The following MAPKAP1 variants were observed in gnomAD, a reference collection of about 807,000 sequenced individuals.
The protein encoded by MAPKAP1 is MAPK associated protein 1, also known as target of rapamycin complex 2 subunit MAPKAP1.
MAPKAP1 carries 20 observed loss-of-function variants against 65.7 expected under a neutral mutation model. The observed-to-expected ratio is 0.30, with a 90% CI of 0.21 to 0.44. The LOEUF is 0.44. Among genes scored for constraint, MAPKAP1 ranks in the 20% least tolerant of loss-of-function variants. The pLI is 1.00. For synonymous variants in MAPKAP1, 222 were observed against 244.3 expected (o/e 0.91, Z 0.85); for missense variants, 423 against 648.0 (o/e 0.65, Z 3.77).
intron 8 of MAPKAP1, among the ~76,000 whole-genome samples, chr9:125,503,880 CTT>C (rs35867576): frequency 1.0e-3 from 68 of 66,244 alleles, no homozygotes; most frequent in African/African-American, 5.1e-3. Flanking sequence ...CCACGCTTGG[CTT>C]TTTTTTTTTT....
chr9:125,586,877 A>G (rs986024901), intron 4 of MAPKAP1, among the ~76,000 whole-genome samples: 2 of 152,202 alleles, frequency 1.3e-5, no homozygotes, highest in African/African-American at 4.8e-5. Context: ...TCTTATTTTA[A>G]TAATATGTGC....
intron 4 of MAPKAP1, among the ~76,000 whole-genome samples, chr9:125,586,434 C>T (rs532619788): frequency 5.3e-5 from 8 of 152,256 alleles, no homozygotes; most frequent in Admixed American, 1.3e-4. Context: ...TCCTCTACCT[C>T]TTGGACTTCA....
At chr9:125,504,371 A>T (rs1490496988) in intron 8 of MAPKAP1, among the ~76,000 whole-genome samples, 1 of 152,222 alleles carries the variant, frequency 6.6e-6, no homozygotes, top group South Asian at 2.1e-4. Context: ...CTGTGGGGAC[A>T]GTAACCTTCT....
intron 8 of MAPKAP1, among the ~76,000 whole-genome samples, chr9:125,490,488 A>G (rs2133051140): frequency 6.6e-6 from 1 of 152,204 alleles, no homozygotes; most frequent in East Asian, 1.9e-4. Context: ...GCAGTGAACC[A>G]AGATTGCGCC....
chr9:125,589,819 C>T (rs956414328), intron 4 of MAPKAP1, among the ~76,000 whole-genome samples: 1 of 152,144 alleles, frequency 6.6e-6, no homozygotes, highest in Non-Finnish European at 1.5e-5. Flanking sequence ...TGCACCCACA[C>T]TCGCTGTCCC....
intron 4 of MAPKAP1, among the ~76,000 whole-genome samples, chr9:125,631,357 G>C (rs1833274194): frequency 6.6e-6 from 1 of 152,182 alleles, no homozygotes; most frequent in African/African-American, 2.4e-5. Flanking sequence ...CCTTTGCTCT[G>C]TCCAGCCTGG....
intron 7 of MAPKAP1, among the ~76,000 whole-genome samples, chr9:125,514,234 A>G (rs1433275948): frequency 6.6e-6 from 1 of 151,976 alleles, no homozygotes; most frequent in Non-Finnish European, 1.5e-5. Context: ...AGGGAAGGGG[A>G]GGGTGGAGCT....
intron 10 of MAPKAP1, 77 bp from the exon 11 acceptor site, chr9:125,444,675 C>A: frequency 1.0e-6 from 1 of 982,590 alleles, no homozygotes; most frequent in Non-Finnish European, 1.6e-6. Context: ...TCTCCCCTAT[C>A]ATTCCAATTC....
chr9:125,523,087 G>A (rs1437086731), intron 7 of MAPKAP1, among the ~76,000 whole-genome samples: 2 of 152,098 alleles, frequency 1.3e-5, no homozygotes, highest in Non-Finnish European at 2.9e-5. Context: ...AAGGCAATAG[G>A]ATTTCTACAA....
At chr9:125,703,025 TTAAA>T (rs947386524) in intron 1 of MAPKAP1, among the ~76,000 whole-genome samples, 5 of 152,020 alleles carry the variant, frequency 3.3e-5, no homozygotes, top group Non-Finnish European at 4.4e-5. Context: ...TCTCTAAAAG[TTAAA>T]TAAATAAATA....
intron 4 of MAPKAP1, among the ~76,000 whole-genome samples, chr9:125,651,126 C>T (rs1833880612): frequency 6.6e-6 from 1 of 152,030 alleles, no homozygotes; most frequent in Non-Finnish European, 1.5e-5. Flanking sequence ...GCCACTGTGC[C>T]CGGCGATCCT....
At position 125,657,711 on chromosome 9, in the gene MAPKAP1, T is replaced by C; in HGVS notation, c.438A>G (p.Leu146=). 1 of 1,614,026 alleles carries C rather than the reference T, an allele frequency of 6.2e-7. No homozygotes were observed. The highest frequency in any genetic ancestry group is 8.5e-7 in the Non-Finnish European group (1 of 1,179,884). The change falls in exon 4 of 12, where the codon CTA becomes CTG. Residue 146 remains leucine, a synonymous_variant. Transcript: ENST00000265960. ...SGKQSILSVR[L]EQCPLQLNNP... ...TATTCAGCTGCAGAGGGCACTGTTC[T>C]AGGCGTACAGATAATATCGACTGCT...
At position 125,616,553 on chromosome 9, in the gene MAPKAP1, C is replaced by G. The variant is rs555177350; in HGVS notation, c.499-30826G>C. 2.0e-5 allele frequency among the ~76,000 whole-genome samples: 3 copies of G among 152,134 alleles called. No individual in the cohort carries two copies. The South Asian group carries it at 6.2e-4, about 32-fold the overall frequency. On this transcript the variant is annotated intron_variant, in intron 4 of 11. Coordinates refer to ENST00000265960, the MANE Select transcript of MAPKAP1 (RefSeq NM_001006617.3). Reference sequence around the variant, plus strand: ...AGAAAAAAGATTAGAACAAGTAGTTCACACAGAAGAGGAAACATGAATAAC... The same window carrying G: ...AGAAAAAAGATTAGAACAAGTAGTTGACACAGAAGAGGAAACATGAATAAC...
At chr9:125,685,144 A>G (rs1008443818) in intron 1 of MAPKAP1, among the ~76,000 whole-genome samples, 2 of 152,386 alleles carry the variant, frequency 1.3e-5, no homozygotes, top group Admixed American at 1.3e-4. Context: ...CAGAAAACAC[A>G]GCAGAGAAGG....
At chr9:125,577,508 A>C (rs1329840196) in intron 5 of MAPKAP1, among the ~76,000 whole-genome samples, 2 of 109,434 alleles carry the variant, frequency 1.8e-5, no homozygotes, top group Non-Finnish European at 1.9e-5. Context: ...GGCCACCCCT[A>C]CTGGGAAGTG....
chr9:125,665,871 ATTG>A (rs1834325862), intron 3 of MAPKAP1, among the ~76,000 whole-genome samples: 1 of 152,186 alleles, frequency 6.6e-6, no homozygotes, highest in Non-Finnish European at 1.5e-5. Flanking sequence ...AATAAGCTAC[ATTG>A]TTGTTTTGCA....
intron 6 of MAPKAP1, among the ~76,000 whole-genome samples, chr9:125,553,655 C>T (rs59734488): frequency 0.044 from 6,708 of 152,274 alleles, 462 homozygotes; most frequent in African/African-American, 0.15. Context: ...ATGTAGTCTA[C>T]GGCTACTCAC....
chr9:125,447,577 T>C lies in MAPKAP1; in HGVS notation c.1346-2979A>G, dbSNP rs541415309. ...CTCCGCGGGCGTTTCTGCCCCGAGTTCCCCTCGCTAGCAGCCCTGTTTCGC... is the reference window on the plus strand; with the variant it reads ...CTCCGCGGGCGTTTCTGCCCCGAGTCCCCCTCGCTAGCAGCCCTGTTTCGC... On this transcript the variant is annotated intron_variant, in intron 10 of 11. Transcript: ENST00000265960. This position sits in a 1 kb window ranked among gnomAD's most constrained non-coding sequence, Gnocchi z 4.5. 79 of 437,876 alleles carry C rather than the reference T, an allele frequency of 1.8e-4. 1 individual carries two copies. The highest frequency in any genetic ancestry group is 1.2e-3 in the South Asian group (76 of 62,692). The allele number at this position is 437,876 out of a possible 1,614,324, so 27.1% of individuals were successfully genotyped here.
intron 7 of MAPKAP1, among the ~76,000 whole-genome samples, chr9:125,508,606 T>C (rs1046153732): frequency 7.9e-5 from 12 of 152,282 alleles, no homozygotes; most frequent in African/African-American, 2.9e-4. Flanking sequence ...ATCCCAGCGC[T>C]TTGGGGGAGC....
Sources: allele counts gnomAD v4.1 joint callset (sites outside exome capture counted in the v4.1 genomes callset), GRCh38; gene constraint gnomAD v4.1.1; non-coding constraint Gnocchi (gnomAD v3.1); transcripts MANE v1.5; gene names NCBI Gene and HGNC (gene_info 2026-07-23, HGNC 2026-07-21).